XRN1: variants seen among roughly 807,000 people sequenced by gnomAD.
The protein encoded by XRN1 is 5'-3' exoribonuclease 1.
In XRN1, 67 loss-of-function variants were observed where a neutral mutation model predicts 222.3. The observed-to-expected ratio is 0.30, with a 90% CI of 0.25 to 0.37. The LOEUF (loss-of-function observed/expected upper bound fraction) is 0.37. Ranked by LOEUF, XRN1 falls within the 10% of genes least tolerant of loss-of-function variation. The pLI is 1.00. For missense variants in XRN1, 1,707 were observed against 2,000.2 expected (o/e 0.85, Z 2.80); for synonymous variants, 643 against 652.4 (o/e 0.99, Z 0.22).
At chr3:142,426,955 C>T (rs750131801) in intron 2 of XRN1, 114 bp from the exon 3 acceptor site, 21 of 709,108 alleles carry the variant, frequency 3.0e-5, no homozygotes, top group Non-Finnish European at 4.0e-5. Context: ...CCAGTTTTAA[C>T]GTTCAAAACA....
intron 15 of XRN1, 103 bp downstream of exon 15, chr3:142,412,441 A>G: frequency 7.4e-7 from 1 of 1,357,464 alleles, no homozygotes; most frequent in Non-Finnish European, 9.6e-7. Context: ...AAATCTCATT[A>G]ACAAAACATA....
Position 142,308,341 on chromosome 3 carries a change from A to C in XRN1, c.*3170T>G, listed in dbSNP as rs1188392636. On this transcript the variant is annotated 3_prime_UTR_variant, in exon 41 of 41. Coordinates refer to ENST00000392981, the MANE Select transcript of XRN1 (RefSeq NM_001282857.2). The stretch of plus-strand genomic sequence containing the variant: ...AACCAAGAATCTAGCTTAGTTTGGA[A>C]GTAGCAGTCTAAAATGAAAGCAGGT... 6.6e-6 allele frequency: 1 copy of C among 152,192 alleles called. No individual in the cohort carries two copies. Among genetic ancestry groups the C allele is most frequent in the Non-Finnish European group, 1.5e-5 (1 of 68,024 alleles). The allele number at this position is 152,192 out of a possible 1,614,324, so 9.4% of individuals were successfully genotyped here. A position where few individuals can be genotyped will look rare whatever the true frequency, so the allele number is the denominator to read the frequency against.
In XRN1 at chr3:142,403,766, A is replaced by C; in HGVS notation, c.2011T>G (p.Leu671Val). 6.2e-7 allele frequency: 1 copy of C among 1,612,592 alleles called. No homozygotes were observed. The highest frequency in any genetic ancestry group is 8.5e-7 in the Non-Finnish European group (1 of 1,179,288). ...AATACTTGAACACCACTTTTCTTCA[A>C]AAAAAACTTTAAAAGAATTCAAATA... The part of the protein sequence containing the change: ...TLKHIRHKFF[L>V]KKSGVQVFQQ... The change falls in exon 18 of 41, where the codon TTG becomes GTG. Residue 671 changes from leucine to valine, a missense_variant. Around this residue, in one of 2 missense-constraint regions of XRN1, gnomAD observed 1,234 missense variants for 1,518.2 expected, o/e 0.81. Coordinates refer to ENST00000392981, the MANE Select transcript of XRN1 (RefSeq NM_001282857.2).
At chr3:142,319,998 C>G (rs1191349358) in intron 37 of XRN1, among the ~76,000 whole-genome samples, 1 of 152,104 alleles carries the variant, frequency 6.6e-6, no homozygotes, top group Non-Finnish European at 1.5e-5. Flanking sequence ...TAGGTTGATT[C>G]CCTATCTTTG....
chr3:142,362,666 C>G (rs914285075), intron 29 of XRN1, among the ~76,000 whole-genome samples: 4 of 147,650 alleles, frequency 2.7e-5, no homozygotes, highest in African/African-American at 7.5e-5. Context: ...CCCTCCTGCT[C>G]CGGCCTTTTC....
At chr3:142,318,526 T>G in intron 39 of XRN1, 66 bp downstream of exon 39, 1 of 1,390,346 alleles carries the variant, frequency 7.2e-7, no homozygotes, top group Non-Finnish European at 9.9e-7. Flanking sequence ...CATTCTTGAT[T>G]TCTTAAAAGA....
At chr3:142,347,815 C>T (rs2066192437) in intron 32 of XRN1, among the ~76,000 whole-genome samples, 1 of 151,850 alleles carries the variant, frequency 6.6e-6, no homozygotes, top group South Asian at 2.1e-4. Context: ...TCACGGTGGT[C>T]TCAAACTCCT....
At chr3:142,356,679 CTTAT>C (rs1165236862) in intron 31 of XRN1, among the ~76,000 whole-genome samples, 1 of 152,058 alleles carries the variant, frequency 6.6e-6, no homozygotes, top group African/African-American at 2.4e-5. Context: ...TCTTAAGTTC[CTTAT>C]TTAAATACAC....
intron 32 of XRN1, among the ~76,000 whole-genome samples, chr3:142,353,855 C>G (rs2107822357): frequency 6.6e-6 from 1 of 152,202 alleles, no homozygotes; most frequent in South Asian, 2.1e-4. Context: ...AGAGTTTCTG[C>G]TCGCTAAAAA....
chr3:142,339,310 A>C (rs2065924732), intron 33 of XRN1, among the ~76,000 whole-genome samples: 1 of 152,116 alleles, frequency 6.6e-6, no homozygotes, highest in Non-Finnish European at 1.5e-5. Context: ...AATTCTTTTG[A>C]ATCTTCTCCA....
At chr3:142,424,207 G>A (rs2108120101) in intron 5 of XRN1, among the ~76,000 whole-genome samples, 1 of 152,156 alleles carries the variant, frequency 6.6e-6, no homozygotes. Flanking sequence ...AATTCTCCCT[G>A]CCTCAGCCTC....
At chr3:142,437,777 G>GT (rs1430501471) in intron 1 of XRN1, among the ~76,000 whole-genome samples, 2 of 152,224 alleles carry the variant, frequency 1.3e-5, no homozygotes, top group African/African-American at 4.8e-5. Flanking sequence ...TGGAAGAAAT[G>GT]TATTTGCAAA....
Position 142,355,515 on chromosome 3 carries a change from T to C in XRN1, c.3673-19A>G, listed in dbSNP as rs779250786. 17 of 1,437,524 alleles carry C rather than the reference T, an allele frequency of 1.2e-5. No homozygotes were observed. Among genetic ancestry groups the C allele is most frequent in the Non-Finnish European group, 1.6e-5 (17 of 1,046,858 alleles). The allele number at this position is 1,437,524 out of a possible 1,614,324, so 89.0% of individuals were successfully genotyped here. ...TAGGTACCTAGCAAAGTACAAACAA[T>C]TTCTTGAGAAAATGAAATAGGAAGA... On this transcript the variant is annotated intron_variant, in intron 31 of 40. Coordinates refer to ENST00000392981, the MANE Select transcript of XRN1 (RefSeq NM_001282857.2).
intron 1 of XRN1, among the ~76,000 whole-genome samples, chr3:142,441,952 C>T (rs530561414): frequency 1.3e-5 from 2 of 152,140 alleles, no homozygotes; most frequent in Non-Finnish European, 2.9e-5. Context: ...ACAATGAATT[C>T]GTATACAAAA....
chr3:142,315,600 C>G (rs35811167), intron 39 of XRN1, among the ~76,000 whole-genome samples: 27,041 of 151,366 alleles, frequency 0.18, 2,635 homozygotes, highest in East Asian at 0.28. Flanking sequence ...CCTCTGCCTC[C>G]TGGGTTCAAG....
Position 142,355,409 on chromosome 3 carries a change from G to T in XRN1, c.3760C>A (p.Gln1254Lys). ...AAACAAGGAATACTAACCTTCTCTT[G>T]TATAGTTGGCTGAAAGTATTGCATC... ...GKMQYFQPTI[Q>K]EKGAVLPQEI... The change falls in exon 32 of 41, where the codon CAA (glutamine) becomes AAA (lysine). Residue 1254 changes from glutamine to lysine, a missense_variant. Gln to Lys is a moderately conservative substitution (Grantham distance 53). This residue lies in a region of XRN1 where 1,234 missense variants were observed against 1,518.2 expected (regional missense o/e 0.81). Transcript: ENST00000392981. 6.4e-7 allele frequency: 1 copy of T among 1,562,464 alleles called. No homozygotes were observed. The highest frequency in any genetic ancestry group is 8.7e-7 in the Non-Finnish European group (1 of 1,150,494).
At position 142,421,025 on chromosome 3, in the gene XRN1, T is replaced by C. The variant is rs771667787; in HGVS notation, c.1164A>G (p.Lys388=). 3 of 1,614,032 alleles carry C rather than the reference T, an allele frequency of 1.9e-6. No homozygotes were observed. The highest frequency in any genetic ancestry group is 1.1e-5 in the South Asian group (1 of 91,064). The change falls in exon 10 of 41, where the codon AAA becomes AAG. Residue 388 remains lysine, a synonymous_variant. Transcript: ENST00000392981. ...CTAAAAAAATAGACACCTTTAACTT[T>C]TTCTTTTCCTTGTAGTTCCTGGCTT... ...AEEARNYKEK[K]KLKGQENSLC... is the part of the protein sequence containing the mutation.
intron 36 of XRN1, among the ~76,000 whole-genome samples, chr3:142,330,691 G>A (rs1448863644): frequency 6.6e-6 from 1 of 151,020 alleles, no homozygotes; most frequent in Non-Finnish European, 1.5e-5. Context: ...AATTAATTTG[G>A]TTCTATTTCA....
At chr3:142,414,775 G>A (rs915692752) in intron 13 of XRN1, among the ~76,000 whole-genome samples, 5 of 152,206 alleles carry the variant, frequency 3.3e-5, no homozygotes, top group African/African-American at 4.8e-5. Context: ...GATTACAGGC[G>A]TAAGCCACTG....
Sources: gnomAD v4.1 joint callset for allele counts (sites outside exome capture counted in the v4.1 genomes callset) on GRCh38, gnomAD v4.1.1 for gene constraint, gnomAD v4.1.1 regional missense constraint, MANE v1.5 for transcripts, NCBI Gene and HGNC (gene_info 2026-07-23, HGNC 2026-07-21) for gene names.